The following GPHN variants were observed in gnomAD, a reference collection of about 807,000 sequenced individuals.
GPHN encodes the protein gephyrin.
A neutral mutation model predicts 95.5 loss-of-function variants in GPHN; 17 were observed. The ratio of observed to expected loss-of-function variants is 0.18; its 90% CI spans 0.12 to 0.27. The LOEUF (loss-of-function observed/expected upper bound fraction) is 0.27. Among genes scored for constraint, GPHN ranks in the 10% least tolerant of loss-of-function variants. GPHN has a pLI of 1.00. For missense variants in GPHN, 660 were observed against 978.1 expected, an observed-to-expected ratio of 0.67 and a Z score of 4.34; for synonymous variants, 320 against 322.5, an observed-to-expected ratio of 0.99 and a Z score of 0.08.
chr14:66,778,148 A>G (rs1007388138), intron 3 of GPHN, among the ~76,000 whole-genome samples: 4 of 152,106 alleles, frequency 2.6e-5, no homozygotes, highest in Non-Finnish European at 4.4e-5. Context: ...AAATCAATGT[A>G]CAAAAATCAC....
the GPHN span, among the ~76,000 whole-genome samples, chr14:67,440,719 G>T: frequency 6.6e-6 from 1 of 151,476 alleles, no homozygotes; most frequent in Non-Finnish European, 1.5e-5. Context: ...GCCACTGCCT[G>T]GGCGACAAAG....
intron 10 of GPHN, among the ~76,000 whole-genome samples, chr14:67,037,573 A>T (rs2074485348): frequency 6.7e-6 from 1 of 149,438 alleles, no homozygotes; most frequent in African/African-American, 2.6e-5. Context: ...TATCCAGAAT[A>T]TATAAAGAAC....
At chr14:67,081,354 A>T (rs552097639) in intron 11 of GPHN, among the ~76,000 whole-genome samples, 7 of 151,998 alleles carry the variant, frequency 4.6e-5, no homozygotes, top group Admixed American at 1.3e-4. Flanking sequence ...CATTTTCCTG[A>T]TCATTGGCGA....
intron 5 of GPHN, among the ~76,000 whole-genome samples, chr14:66,900,270 C>T (rs566574771): frequency 8.6e-5 from 13 of 151,652 alleles, no homozygotes; most frequent in Non-Finnish European, 1.9e-4. Context: ...TTCATTCCTT[C>T]TCCTTGTTTG....
At chr14:66,875,845 G>A (rs1490509214) in intron 4 of GPHN, among the ~76,000 whole-genome samples, 3 of 152,044 alleles carry the variant, frequency 2.0e-5, no homozygotes, top group Non-Finnish European at 2.9e-5. Flanking sequence ...ACAGATCAAC[G>A]AGACAGAAAA....
At chr14:66,838,380 G>A (rs751506145) in intron 4 of GPHN, among the ~76,000 whole-genome samples, 14 of 152,002 alleles carry the variant, frequency 9.2e-5, no homozygotes, top group Non-Finnish European at 1.8e-4. Flanking sequence ...TTCTCTGAAA[G>A]AAAAATCAAA....
At chr14:67,571,880 C>T in the GPHN span, 2 of 1,611,996 alleles carry the variant, frequency 1.2e-6, no homozygotes, top group Middle Eastern at 1.7e-4. Context: ...GCGGACTAGG[C>T]AGCCCCCGGG....
chr14:66,632,468 T>C (rs962898704), intron 1 of GPHN, among the ~76,000 whole-genome samples: 2 of 151,434 alleles, frequency 1.3e-5, no homozygotes, highest in African/African-American at 2.4e-5. Context: ...GTCTCCATAC[T>C]TTCCTTTCTT....
intron 5 of GPHN, among the ~76,000 whole-genome samples, chr14:66,912,723 G>T (rs1277775151): frequency 6.6e-6 from 1 of 152,014 alleles, no homozygotes; most frequent in Non-Finnish European, 1.5e-5. Context: ...GTGAATTCAT[G>T]ACTTCTACTG....
chr14:66,734,237 A>G (rs1159516656), intron 2 of GPHN, among the ~76,000 whole-genome samples: 6 of 152,172 alleles, frequency 3.9e-5, no homozygotes, highest in Admixed American at 3.9e-4. Flanking sequence ...CAGTTTATTC[A>G]GGATAGGCTA....
At chr14:67,460,041 G>A in the GPHN span, among the ~76,000 whole-genome samples, 1 of 152,224 alleles carries the variant, frequency 6.6e-6, no homozygotes, top group Non-Finnish European at 1.5e-5. Flanking sequence ...TTTTAATACA[G>A]AGAAATGTGT....
intron 1 of GPHN, among the ~76,000 whole-genome samples, chr14:66,661,396 C>A (rs1269372947): frequency 6.6e-6 from 1 of 152,028 alleles, no homozygotes; most frequent in East Asian, 1.9e-4. Context: ...AGCTGCTCTA[C>A]CAAAATGTGG....
rs548728388 is a variant in GPHN at position 67,062,962 on chromosome 14, T to C, written c.1144+4176T>C. Among the ~76,000 whole-genome samples, 33 of 152,374 alleles carry C rather than the reference T, an allele frequency of 2.2e-4. No homozygotes were observed. The South Asian group carries it at 2.9e-3, about 13-fold the overall frequency. On this transcript the variant is annotated intron_variant, in intron 11 of 22. Transcript: ENST00000478722. ...TCATCAATTTTGCTTTTGTTGCCAT[T>C]GCTTTTTGTGCTTTAGTCATGAAGT...
chr14:67,399,894 A>C, the GPHN span, among the ~76,000 whole-genome samples: 1 of 152,220 alleles, frequency 6.6e-6, no homozygotes, highest in Non-Finnish European at 1.5e-5. Flanking sequence ...TTTAGTACAC[A>C]GTCACAAAAG....
the GPHN span, chr14:67,321,220 C>A: frequency 1.2e-6 from 2 of 1,614,120 alleles, no homozygotes; most frequent in African/African-American, 2.7e-5. Flanking sequence ...GGCAAGTGAT[C>A]AACTCTGGCA....
chr14:66,568,730 C>A (rs2060557131), intron 1 of GPHN, among the ~76,000 whole-genome samples: 1 of 152,030 alleles, frequency 6.6e-6, no homozygotes, highest in Non-Finnish European at 1.5e-5. Flanking sequence ...GCATCATAAT[C>A]CCATGTTTTC....
At chr14:67,473,475 G>GGCTCAGC in the GPHN span, 1 of 1,614,214 alleles carries the variant, frequency 6.2e-7, no homozygotes. The surrounding 1 kb of genome is among the most constrained non-coding windows in gnomAD (Gnocchi z 6.5). Context: ...GGGCTCCCCG[G>GGCTCAGC]GCTCAGCGTC....
chr14:67,734,672 AC>A, the GPHN span, among the ~76,000 whole-genome samples: 2 of 152,234 alleles, frequency 1.3e-5, no homozygotes, highest in African/African-American at 4.8e-5. Flanking sequence ...AGTTAGGCAG[AC>A]AGAGAAAAAG....
At chr14:66,633,318 A>G (rs2063922889) in intron 1 of GPHN, among the ~76,000 whole-genome samples, 1 of 152,180 alleles carries the variant, frequency 6.6e-6, no homozygotes, top group Non-Finnish European at 1.5e-5. Flanking sequence ...TTAAAATTAT[A>G]ATTAATGAAC....
Sources: allele counts gnomAD v4.1 joint callset (sites outside exome capture counted in the v4.1 genomes callset), GRCh38; gene constraint gnomAD v4.1.1; non-coding constraint Gnocchi (gnomAD v3.1); transcripts MANE v1.5; gene names NCBI Gene and HGNC (gene_info 2026-07-23, HGNC 2026-07-21).